CADM2: variants seen among roughly 807,000 people sequenced by gnomAD.
CADM2 encodes the protein cell adhesion molecule 2.
CADM2 carries 12 observed loss-of-function variants against 49.8 expected under a neutral mutation model. That is an observed-to-expected ratio of 0.24 (90% CI 0.15 to 0.39). The LOEUF (loss-of-function observed/expected upper bound fraction) is 0.39. Ranked by LOEUF, CADM2 falls within the 10% of genes least tolerant of loss-of-function variation. The pLI, the probability that CADM2 is intolerant of heterozygous loss-of-function variation, is 1.00. For missense variants in CADM2, 378 were observed against 492.3 expected (o/e 0.77, Z 2.20); for synonymous variants, 214 against 175.4 (o/e 1.22, Z -1.74).
intron 1 of CADM2, among the ~76,000 whole-genome samples, chr3:85,105,825 T>C (rs2038200461): frequency 6.6e-6 from 1 of 151,940 alleles, no homozygotes; most frequent in Non-Finnish European, 1.5e-5. Context: ...ATCATCATTC[T>C]CAGTAAACTG....
chr3:85,804,831 AG>A (rs1226884490), intron 3 of CADM2, among the ~76,000 whole-genome samples: 4 of 152,234 alleles, frequency 2.6e-5, no homozygotes, highest in Non-Finnish European at 5.9e-5. Flanking sequence ...GATAATTATG[AG>A]GAGAAAAAAA....
At chr3:85,654,909 A>G (rs901019029) in intron 1 of CADM2, among the ~76,000 whole-genome samples, 1 of 152,208 alleles carries the variant, frequency 6.6e-6, no homozygotes, top group African/African-American at 2.4e-5. Context: ...TAAATGAAAG[A>G]TAATCATGGA....
At chr3:85,944,983 C>A (rs187562710) in intron 7 of CADM2, among the ~76,000 whole-genome samples, 9 of 152,030 alleles carry the variant, frequency 5.9e-5, no homozygotes, top group African/African-American at 2.2e-4. Flanking sequence ...ATCGGTGAAT[C>A]CAGGAGCTGG....
At chr3:86,060,708 A>T (rs1011145866) in intron 8 of CADM2, among the ~76,000 whole-genome samples, 1 of 152,098 alleles carries the variant, frequency 6.6e-6, no homozygotes, top group African/African-American at 2.4e-5. Flanking sequence ...TAATGGCCGG[A>T]TGCGGTGACT....
chr3:85,552,396 T>TTTTA (rs2061834033), intron 1 of CADM2, among the ~76,000 whole-genome samples: 1 of 55,346 alleles, frequency 1.8e-5, no homozygotes, highest in African/African-American at 5.2e-5. Flanking sequence ...TTTTTTTTTT[T>TTTTA]GAGACGTAGG....
intron 1 of CADM2, among the ~76,000 whole-genome samples, chr3:85,071,072 C>G (rs1011910604): frequency 4.0e-5 from 6 of 151,296 alleles, no homozygotes; most frequent in Non-Finnish European, 8.9e-5. Flanking sequence ...TAGTGACTAA[C>G]ATAAGGTACG....
At chr3:85,086,665 C>G (rs1374650284) in intron 1 of CADM2, among the ~76,000 whole-genome samples, 1 of 151,874 alleles carries the variant, frequency 6.6e-6, no homozygotes, top group Non-Finnish European at 1.5e-5. Flanking sequence ...TGTGCACCAC[C>G]ATGCCTGGAT....
At chr3:85,380,095 A>C (rs887006342) in intron 1 of CADM2, among the ~76,000 whole-genome samples, 1 of 152,032 alleles carries the variant, frequency 6.6e-6, no homozygotes, top group Non-Finnish European at 1.5e-5. Flanking sequence ...TACATAAATC[A>C]TCTTGGTTAT....
intron 2 of CADM2, among the ~76,000 whole-genome samples, chr3:85,750,876 G>A (rs989120286): frequency 1.3e-5 from 2 of 151,970 alleles, no homozygotes; most frequent in African/African-American, 4.8e-5. Context: ...AATTTGACAA[G>A]CTTAGTGAGA....
intron 1 of CADM2, among the ~76,000 whole-genome samples, chr3:85,447,868 AT>A (rs2037542630): frequency 2.0e-5 from 3 of 152,188 alleles, no homozygotes; most frequent in Admixed American, 2.0e-4. Flanking sequence ...GTGTTAGCCA[AT>A]GTTTTTGACA....
chr3:86,004,360 G>A (rs1009240723), intron 8 of CADM2, among the ~76,000 whole-genome samples: 3 of 152,114 alleles, frequency 2.0e-5, no homozygotes, highest in Admixed American at 6.5e-5. Flanking sequence ...ACTATCACAG[G>A]ATAGTAGCTC....
In CADM2 at chr3:85,708,929, C is replaced by CT. The variant is rs201352803; in HGVS notation, c.62-17587dup. Among the ~76,000 whole-genome samples, 648 of 150,422 alleles carry CT rather than the reference C, an allele frequency of 4.3e-3. 6 individuals are homozygous for CT. The highest frequency in any genetic ancestry group is 7.5e-3 in the Admixed American group (113 of 15,100). On this transcript the variant is annotated intron_variant, in intron 1 of 9. Coordinates refer to ENST00000383699, the MANE Select transcript of CADM2 (RefSeq NM_001167675.2). ...GTTAAACAGATTGTTTATTTCTTTG[C>CT]TTTTTTAAAAAAAAAAACCACAGCC...
At chr3:85,703,344 A>T (rs2066842426) in intron 1 of CADM2, among the ~76,000 whole-genome samples, 1 of 152,128 alleles carries the variant, frequency 6.6e-6, no homozygotes, top group Non-Finnish European at 1.5e-5. Context: ...CTTGATGATT[A>T]GTATTCTTTT....
chr3:85,278,854 T>A (rs1456269575), intron 1 of CADM2, among the ~76,000 whole-genome samples: 5 of 151,396 alleles, frequency 3.3e-5, no homozygotes, highest in Admixed American at 6.6e-5. Flanking sequence ...ATCTTGGGAA[T>A]GTTTCTGACT....
chr3:85,117,631 C>T (rs1229010213), intron 1 of CADM2, among the ~76,000 whole-genome samples: 2 of 152,038 alleles, frequency 1.3e-5, no homozygotes, highest in African/African-American at 4.8e-5. Flanking sequence ...CATAATATCA[C>T]TAATGAATTG....
chr3:85,986,420 T>C (rs1728118286), intron 8 of CADM2, among the ~76,000 whole-genome samples: 1 of 146,822 alleles, frequency 6.8e-6, no homozygotes, highest in Non-Finnish European at 1.5e-5. Context: ...CAAGAAGTTG[T>C]TTATGAGATT....
chr3:86,013,235 C>T (rs1731777269), intron 8 of CADM2: 5 of 1,442,944 alleles, frequency 3.5e-6, no homozygotes, highest in Non-Finnish European at 3.8e-6. Context: ...AAACATAAAC[C>T]AACAATAGCA....
At chr3:85,770,870 A>G (rs1006340501) in intron 2 of CADM2, among the ~76,000 whole-genome samples, 3 of 152,154 alleles carry the variant, frequency 2.0e-5, no homozygotes, top group Non-Finnish European at 2.9e-5. Context: ...GATTTTCCAT[A>G]TACTTTGATA....
intron 1 of CADM2, among the ~76,000 whole-genome samples, chr3:85,243,301 A>G (rs905725232): frequency 6.6e-6 from 1 of 151,948 alleles, no homozygotes; most frequent in Non-Finnish European, 1.5e-5. Flanking sequence ...TCGTTCAATG[A>G]AAAACAGTAG....
Sources: allele counts gnomAD v4.1 joint callset (sites outside exome capture counted in the v4.1 genomes callset), GRCh38; gene constraint gnomAD v4.1.1; transcripts MANE v1.5; gene names NCBI Gene and HGNC (gene_info 2026-07-23, HGNC 2026-07-21).